Variants in DGKB observed in about 807,000 individuals in gnomAD.
DGKB encodes the protein diacylglycerol kinase beta, also known as 90 kDa diacylglycerol kinase.
In DGKB, 67 loss-of-function variants were observed where a neutral mutation model predicts 114.3. The ratio of observed to expected loss-of-function variants is 0.59; its 90% CI spans 0.48 to 0.72. DGKB has a LOEUF of 0.72. Among genes scored for constraint, DGKB ranks in the 30% least tolerant of loss-of-function variants. The pLI is 0.00. For synonymous variants in DGKB, 398 were observed against 323.1 expected, an observed-to-expected ratio of 1.23 and a Z score of -2.49; for missense variants, 907 against 975.2, an observed-to-expected ratio of 0.93 and a Z score of 0.93.
chr7:14,430,133 G>T (rs780285644), intron 21 of DGKB, among the ~76,000 whole-genome samples: 4 of 151,964 alleles, frequency 2.6e-5, no homozygotes, highest in Non-Finnish European at 5.9e-5. Context: ...GGCCCGTTTT[G>T]GGTCCTAGCA....
intron 20 of DGKB, among the ~76,000 whole-genome samples, chr7:14,570,692 C>T (rs1035167355): frequency 2.0e-5 from 3 of 151,958 alleles, no homozygotes; most frequent in African/African-American, 4.8e-5. Context: ...TCTTTATCTT[C>T]ATCATCTTCA....
intron 23 of DGKB, among the ~76,000 whole-genome samples, chr7:14,229,917 A>G (rs1354165083): frequency 1.3e-5 from 2 of 152,038 alleles, no homozygotes; most frequent in African/African-American, 4.8e-5. Context: ...ATAATGCAAA[A>G]GTCAATGTAG....
intron 21 of DGKB, among the ~76,000 whole-genome samples, chr7:14,452,563 G>A (rs900909507): frequency 1.3e-5 from 2 of 151,828 alleles, no homozygotes; most frequent in Admixed American, 6.6e-5. Context: ...ACTTGATAAG[G>A]GCATTTCTTA....
intron 2 of DGKB, among the ~76,000 whole-genome samples, chr7:14,768,446 A>G (rs923805631): frequency 2.6e-5 from 4 of 151,988 alleles, no homozygotes; most frequent in Non-Finnish European, 5.9e-5. Context: ...CTCTGATTCT[A>G]TGATAGTGCA....
chr7:14,798,086 G>A (rs7799842), intron 2 of DGKB, among the ~76,000 whole-genome samples: 64,482 of 151,908 alleles, frequency 0.42, 16,068 homozygotes, highest in African/African-American at 0.69. Flanking sequence ...GTCCATGGGT[G>A]GTCTTGGAAA....
In DGKB at chr7:14,607,517, G is replaced by A; in HGVS notation, c.1359-9C>T. 7.0e-7 allele frequency: 1 copy of A among 1,426,180 alleles called. No individual in the cohort carries two copies. Among genetic ancestry groups the A allele is most frequent in the Non-Finnish European group, 9.8e-7 (1 of 1,017,024 alleles). The allele number at this position is 1,426,180 out of a possible 1,614,324, so 88.3% of individuals were successfully genotyped here. ...GGAATTTTCTGTAAATTCTATAAAGGTGAAAATGTGGGGAAAAAATTTAAT... is the reference window on the plus strand; with the variant it reads ...GGAATTTTCTGTAAATTCTATAAAGATGAAAATGTGGGGAAAAAATTTAAT... On this transcript the variant is annotated splice_polypyrimidine_tract_variant and intron_variant, in intron 16 of 25. Transcript: ENST00000402815.
chr7:14,559,181 C>A (rs1188344359), intron 20 of DGKB, among the ~76,000 whole-genome samples: 1 of 152,178 alleles, frequency 6.6e-6, no homozygotes, highest in Non-Finnish European at 1.5e-5. Flanking sequence ...AGCATATAGA[C>A]TTTTTCTATC....
chr7:14,191,713 C>T (rs376855815), intron 23 of DGKB: 7 of 345,392 alleles, frequency 2.0e-5, no homozygotes, highest in Admixed American at 1.4e-4. Flanking sequence ...AGGATGTGCA[C>T]GTCAAAGATG....
At chr7:14,314,936 G>C (rs200696278) in intron 23 of DGKB, among the ~76,000 whole-genome samples, 14,373 of 151,188 alleles carry the variant, frequency 0.095, 687 homozygotes, top group East Asian at 0.14. Context: ...CGGATCTCTC[G>C]GCAGAAACCC....
intron 21 of DGKB, among the ~76,000 whole-genome samples, chr7:14,433,721 T>G (rs982047949): frequency 1.3e-5 from 2 of 152,148 alleles, no homozygotes; most frequent in Non-Finnish European, 2.9e-5. Flanking sequence ...AGGATCTAAT[T>G]AAGGGTAGAG....
chr7:14,756,552 A>G (rs1388519543), intron 3 of DGKB, among the ~76,000 whole-genome samples: 2 of 152,128 alleles, frequency 1.3e-5, no homozygotes, highest in South Asian at 2.1e-4. Context: ...TTTAAAAGTT[A>G]CAGTAATGTA....
intron 5 of DGKB, among the ~76,000 whole-genome samples, chr7:14,731,832 C>G (rs1452039550): frequency 2.0e-5 from 3 of 152,098 alleles, no homozygotes; most frequent in Admixed American, 2.0e-4. Flanking sequence ...AGATTAGAGA[C>G]CTGACATTTG....
In DGKB at chr7:14,694,172, T is replaced by C; in HGVS notation, c.614A>G (p.Glu205Gly). The C allele has an allele frequency of 6.3e-7, 1 of 1,577,444 alleles. No homozygotes were observed. The highest frequency in any genetic ancestry group is 2.3e-5 in the East Asian group (1 of 44,034). Residue 205 changes from glutamate to glycine, a missense_variant, in exon 9 of 26, where the codon GAA becomes GGA. By Grantham distance (98) the Glu-to-Gly change is moderately conservative. This residue lies in a region of DGKB where 814 missense variants were observed against 856.6 expected (regional missense o/e 0.95). Transcript: ENST00000402815. ...GGTTCCATCATGATCATAGTCAATT[T>C]CTTCCATCATTTCATGGAGGATCTG... ...LNPILHEMME[E>G]IDYDHDGTVS...
chr7:14,242,266 G>C (rs1227699982), intron 23 of DGKB, among the ~76,000 whole-genome samples: 1 of 152,108 alleles, frequency 6.6e-6, no homozygotes, highest in Non-Finnish European at 1.5e-5. Context: ...CAGGGTGTAT[G>C]CGAGGTTGGA....
chr7:14,646,481 G>A (rs896204090), intron 13 of DGKB, among the ~76,000 whole-genome samples: 2 of 152,198 alleles, frequency 1.3e-5, no homozygotes, highest in Middle Eastern at 3.4e-3. Flanking sequence ...CTGCACTATA[G>A]ACCAAATGAA....
intron 23 of DGKB, among the ~76,000 whole-genome samples, chr7:14,279,361 C>G (rs6969982): frequency 0.12 from 18,426 of 152,004 alleles, 3,207 homozygotes; most frequent in African/African-American, 0.38. Context: ...TGGGAAGCTC[C>G]AACTGGGTGG....
chr7:14,587,932 C>T lies in DGKB; in HGVS notation c.1434-4795G>A, dbSNP rs530748426. 2.3e-4 allele frequency among the ~76,000 whole-genome samples: 35 copies of T among 152,208 alleles called. No individual in the cohort carries two copies. The East Asian group carries it at 6.4e-3, about 28-fold the overall frequency. On this transcript the variant is annotated intron_variant, in intron 17 of 25. Transcript: ENST00000402815. ...GTGATTCACTTTATTGTGATATTCACTTTATTGTGGTGGTGTGGAACCAAA... is the reference window on the plus strand; with the variant it reads ...GTGATTCACTTTATTGTGATATTCATTTTATTGTGGTGGTGTGGAACCAAA...
chr7:14,579,900 C>A (rs987291864), intron 19 of DGKB, among the ~76,000 whole-genome samples: 6 of 152,170 alleles, frequency 3.9e-5, no homozygotes, highest in African/African-American at 1.4e-4. Context: ...CTCTGTTCAC[C>A]TTGTCTTAGT....
At chr7:14,659,219 G>C (rs956098770) in intron 13 of DGKB, among the ~76,000 whole-genome samples, 2 of 151,932 alleles carry the variant, frequency 1.3e-5, no homozygotes, top group Admixed American at 6.6e-5. Flanking sequence ...CTGGTCTAAA[G>C]GGCTATGGTG....
Sources: gnomAD v4.1 joint callset for allele counts (sites outside exome capture counted in the v4.1 genomes callset) on GRCh38, gnomAD v4.1.1 for gene constraint, gnomAD v4.1.1 regional missense constraint, MANE v1.5 for transcripts, NCBI Gene and HGNC (gene_info 2026-07-23, HGNC 2026-07-21) for gene names.